Variants in PRR11 observed in about 807,000 individuals in gnomAD.
PRR11 encodes the protein proline rich 11.
A neutral mutation model predicts 45.6 loss-of-function variants in PRR11; 30 were observed. The ratio of observed to expected loss-of-function variants is 0.66; its 90% CI spans 0.49 to 0.89. PRR11 has a LOEUF of 0.89. Among genes scored for constraint, PRR11 ranks in the 40% least tolerant of loss-of-function variants. The pLI is 0.00. For synonymous variants in PRR11, 128 were observed against 153.5 expected (o/e 0.83, Z 1.23); for missense variants, 373 against 424.8 (o/e 0.88, Z 1.07).
At chr17:59,183,504 C>G (rs2046798962) in intron 2 of PRR11, among the ~76,000 whole-genome samples, 1 of 152,186 alleles carries the variant, frequency 6.6e-6, no homozygotes, top group Admixed American at 6.5e-5. Context: ...TACTGACATT[C>G]ACTGTCCGAG....
At position 59,194,745 on chromosome 17, in the gene PRR11, A is replaced by G; in HGVS notation, c.646-12A>G. The G allele has an allele frequency of 1.9e-6, 3 of 1,594,996 alleles. No individual in the cohort carries two copies. Among genetic ancestry groups the G allele is most frequent in the Admixed American group, 1.7e-5 (1 of 57,670 alleles). On this transcript the variant is annotated splice_polypyrimidine_tract_variant and intron_variant, in intron 5 of 9. Transcript: ENST00000262293. ...TTCCAATTTGAATTCTAACCTTACCATGTATTTTAAGGCTGGACCATTAAA... is the reference window on the plus strand; with the variant it reads ...TTCCAATTTGAATTCTAACCTTACCGTGTATTTTAAGGCTGGACCATTAAA...
chr17:59,195,609 G>T (rs1441292948), intron 7 of PRR11, among the ~76,000 whole-genome samples, 166 bp downstream of exon 7: 2 of 152,034 alleles, frequency 1.3e-5, no homozygotes, highest in East Asian at 3.9e-4. Context: ...GTTTAAAAAA[G>T]AAAACAAAAA....
intron 2 of PRR11, among the ~76,000 whole-genome samples, chr17:59,175,864 C>G (rs1330588697): frequency 6.6e-6 from 1 of 152,146 alleles, no homozygotes; most frequent in Non-Finnish European, 1.5e-5. Context: ...GCTATGATCT[C>G]ACCACTGCAC....
At position 59,155,763 on chromosome 17, in the gene PRR11, G is replaced by C. The variant is rs1338180569; in HGVS notation, c.-48G>C. 1.2e-5 allele frequency: 2 copies of C among 161,986 alleles called. No homozygotes were observed. Among genetic ancestry groups the C allele is most frequent in the Non-Finnish European group, 2.8e-5 (2 of 72,716 alleles). The allele number at this position is 161,986 out of a possible 1,614,324, so 10.0% of individuals were successfully genotyped here. A position where few individuals can be genotyped will look rare whatever the true frequency, so the allele number is the denominator to read the frequency against. ...GAATTTTTCTTTATGGCGTGGGAGAGGCCACAGCCCGGACTCCATCGACTC... is the reference window on the plus strand; with the variant it reads ...GAATTTTTCTTTATGGCGTGGGAGACGCCACAGCCCGGACTCCATCGACTC... On this transcript the variant is annotated 5_prime_UTR_variant, in exon 1 of 10. Coordinates refer to ENST00000262293, the MANE Select transcript of PRR11 (RefSeq NM_018304.4).
chr17:59,155,958 G>C (rs1186858323), intron 1 of PRR11, among the ~76,000 whole-genome samples, 153 bp downstream of exon 1: 4 of 152,072 alleles, frequency 2.6e-5, no homozygotes, highest in Admixed American at 2.0e-4. Context: ...TTTGGGGCTG[G>C]GGAAGAAGTG....
At chr17:59,191,130 A>G (rs1217257481) in intron 4 of PRR11, among the ~76,000 whole-genome samples, 1 of 152,082 alleles carries the variant, frequency 6.6e-6, no homozygotes, top group Non-Finnish European at 1.5e-5. Context: ...TCTTTACTGC[A>G]TGATTTCTCC....
intron 1 of PRR11, among the ~76,000 whole-genome samples, chr17:59,165,143 C>G (rs1042240822): frequency 2.6e-5 from 4 of 151,976 alleles, no homozygotes; most frequent in Admixed American, 1.3e-4. Context: ...GCCTCAGCCT[C>G]CCGAGTAGCT....
intron 4 of PRR11, among the ~76,000 whole-genome samples, chr17:59,189,335 A>AT (rs141713242): frequency 1.3e-5 from 2 of 151,316 alleles, no homozygotes; most frequent in African/African-American, 2.4e-5. Context: ...AAATAGAATA[A>AT]TTTTTTTTGT....
intron 2 of PRR11, chr17:59,179,955 C>A: frequency 3.3e-6 from 4 of 1,227,374 alleles, no homozygotes; most frequent in Middle Eastern, 2.8e-4. Flanking sequence ...AACGCCAAAC[C>A]ACTCTCCATC....
rs547320066 is a variant in PRR11 at position 59,161,421 on chromosome 17, A to C, written c.-6+5616A>C. Among the ~76,000 whole-genome samples, 26 of 151,572 alleles carry C rather than the reference A, an allele frequency of 1.7e-4. No homozygotes were observed. In the East Asian group the frequency reaches 3.1e-3, roughly 18 times the overall value. The stretch of plus-strand genomic sequence containing the variant: ...GCGAGACTCCGTCTCAAAAAAAAAA[A>C]AACAAAAACATAAAACAAAAAAAAA... On this transcript the variant is annotated intron_variant, in intron 1 of 9. Coordinates refer to ENST00000262293, the MANE Select transcript of PRR11 (RefSeq NM_018304.4).
chr17:59,160,017 G>A (rs1437879647), intron 1 of PRR11, among the ~76,000 whole-genome samples: 2 of 151,724 alleles, frequency 1.3e-5, no homozygotes, highest in Non-Finnish European at 2.9e-5. Context: ...TTCATAGCAA[G>A]TTATCACTAT....
Position 59,197,402 on chromosome 17 carries a change from C to A in PRR11, c.858-142C>A, listed in dbSNP as rs184791036. ...GAGTAGCTGGGACTACAGGCGCCCA[C>A]CACCACACCTGGCTAATTTTTTGTA... On this transcript the variant is annotated intron_variant, in intron 7 of 9. Transcript: ENST00000262293. The A allele has an allele frequency of 5.5e-3, 4,059 of 732,668 alleles. 17 individuals are homozygous for A. The highest frequency in any genetic ancestry group is 7.5e-3 in the Non-Finnish European group (3,353 of 445,956). The allele number at this position is 732,668 out of a possible 1,614,324, so 45.4% of individuals were successfully genotyped here.
chr17:59,177,219 G>A (rs766051244), intron 2 of PRR11: 44 of 547,588 alleles, frequency 8.0e-5, no homozygotes, highest in South Asian at 3.3e-4. Flanking sequence ...AGAGGCCGGC[G>A]CGGCTAAAAT....
At position 59,169,675 on chromosome 17, in the gene PRR11, C is replaced by T. The variant is rs546178183; in HGVS notation, c.-5-73C>T. Reference sequence around the variant, plus strand: ...TTCATGGTATAATTCATTAACTATACACTTAAGATTTGTGTACTTTCTATA... The same window carrying T: ...TTCATGGTATAATTCATTAACTATATACTTAAGATTTGTGTACTTTCTATA... On this transcript the variant is annotated intron_variant, in intron 1 of 9. Coordinates refer to ENST00000262293, the MANE Select transcript of PRR11 (RefSeq NM_018304.4). 4 of 1,319,590 alleles carry T rather than the reference C, an allele frequency of 3.0e-6. No individual in the cohort carries two copies. The East Asian group carries it at 7.6e-5, about 25-fold the overall frequency. 81.7% of individuals were successfully genotyped at this position (1,319,590 alleles called of 1,614,324 possible).
intron 4 of PRR11, among the ~76,000 whole-genome samples, chr17:59,191,563 ATATACCACCTCCACC>A (rs2046840988): frequency 6.6e-6 from 1 of 152,070 alleles, no homozygotes. Flanking sequence ...AGACCTCTGG[ATATACCACCTCCACC>A]TTTTGTTTCT....
In PRR11 at chr17:59,205,305, C is replaced by T. The variant is rs1434344857; in HGVS notation, c.*3674C>T. On this transcript the variant is annotated 3_prime_UTR_variant, in exon 10 of 10. Coordinates refer to ENST00000262293, the MANE Select transcript of PRR11 (RefSeq NM_018304.4). ...CTGAATGGCAACCAGAGAATGTAAA[C>T]AACCAAGGTGCATCTGGTTATGTTT... is the stretch of plus-strand genomic sequence containing the variant. 6.6e-6 allele frequency among the ~76,000 whole-genome samples: 1 copy of T among 151,950 alleles called. No homozygotes were observed. The highest frequency in any genetic ancestry group is 2.4e-5 in the African/African-American group (1 of 41,402).
At chr17:59,200,308 G>A (rs1339393117) in intron 9 of PRR11, among the ~76,000 whole-genome samples, 1 of 152,144 alleles carries the variant, frequency 6.6e-6, no homozygotes, top group Non-Finnish European at 1.5e-5. Flanking sequence ...ATCAAATAGG[G>A]ACATGGCAGA....
intron 2 of PRR11, 127 bp downstream of exon 2, chr17:59,170,007 C>A: frequency 8.1e-7 from 1 of 1,231,164 alleles, no homozygotes; most frequent in African/African-American, 1.5e-5. Context: ...AATCCCAGCA[C>A]TTTGGGAGGC....
At chr17:59,189,441 C>A (rs1167565376) in intron 4 of PRR11, among the ~76,000 whole-genome samples, 1 of 152,074 alleles carries the variant, frequency 6.6e-6, no homozygotes, top group Non-Finnish European at 1.5e-5. Flanking sequence ...TCAAGCAGTT[C>A]TTCTGCCTCA....
Sources: gnomAD v4.1 joint callset for allele counts (sites outside exome capture counted in the v4.1 genomes callset) on GRCh38, gnomAD v4.1.1 for gene constraint, MANE v1.5 for transcripts, NCBI Gene and HGNC (gene_info 2026-07-23, HGNC 2026-07-21) for gene names.